The following OSBP2 variants were observed in gnomAD, a reference collection of about 807,000 sequenced individuals.
OSBP2 encodes the protein oxysterol binding protein 2, also known as oxysterol-binding protein 2.
In OSBP2, 66 loss-of-function variants were observed where a neutral mutation model predicts 96.0. The observed-to-expected ratio is 0.69, with a 90% CI of 0.56 to 0.84. The LOEUF is 0.84. Ranked by LOEUF, OSBP2 falls within the 40% of genes least tolerant of loss-of-function variation. The probability of loss-of-function intolerance (pLI) is 0.00; values close to 1 mark genes in which losing one functional copy is unlikely to be tolerated. For missense variants in OSBP2, 1,038 were observed against 1,222.7 expected (o/e 0.85, Z 2.25); for synonymous variants, 525 against 520.9 (o/e 1.01, Z -0.11).
intron 2 of OSBP2, among the ~76,000 whole-genome samples, chr22:30,807,785 G>C (rs1284522332): frequency 6.6e-6 from 1 of 151,794 alleles, no homozygotes; most frequent in African/African-American, 2.4e-5. Flanking sequence ...GGGACCAGCT[G>C]GGTCTTTTTT....
intron 2 of OSBP2, among the ~76,000 whole-genome samples, chr22:30,817,060 T>G (rs369592469): frequency 6.6e-6 from 1 of 152,190 alleles, no homozygotes. Context: ...TGATCTAAAA[T>G]AATCAATGAT....
intron 2 of OSBP2, among the ~76,000 whole-genome samples, chr22:30,745,131 C>A (rs1020115825): frequency 5.9e-5 from 9 of 151,822 alleles, no homozygotes; most frequent in African/African-American, 2.2e-4. Flanking sequence ...AAAACAAGAA[C>A]ACAGTTTACC....
chr22:30,756,634 G>C (rs774985477), intron 2 of OSBP2, among the ~76,000 whole-genome samples: 1 of 152,014 alleles, frequency 6.6e-6, no homozygotes, highest in African/African-American at 2.4e-5. Context: ...TGGAGTTTGC[G>C]GTGAGCAAAG....
intron 2 of OSBP2, chr22:30,822,445 G>A: frequency 1.7e-6 from 2 of 1,155,204 alleles, no homozygotes; most frequent in Non-Finnish European, 2.2e-6. Context: ...GGCGCGGACG[G>A]GGTTAACGCG....
intron 1 of OSBP2, among the ~76,000 whole-genome samples, chr22:30,701,842 T>C (rs2089168281): frequency 6.6e-6 from 1 of 152,218 alleles, no homozygotes; most frequent in Non-Finnish European, 1.5e-5. Flanking sequence ...ACTCTGAGAC[T>C]GTTAGGAGGC....
chr22:30,781,327 T>C (rs1341881804), intron 2 of OSBP2, among the ~76,000 whole-genome samples: 3 of 152,000 alleles, frequency 2.0e-5, no homozygotes, highest in Admixed American at 6.6e-5. Flanking sequence ...CAAGGGAGTA[T>C]GGAAGTCATG....
intron 2 of OSBP2, among the ~76,000 whole-genome samples, chr22:30,747,690 C>G (rs997393542): frequency 1.3e-5 from 2 of 152,132 alleles, no homozygotes; most frequent in African/African-American, 4.8e-5. Context: ...GCCCCACCCA[C>G]TGGGCTCAGC....
chr22:30,694,825 C>T, upstream of OSBP2: 3 of 573,380 alleles, frequency 5.2e-6, no homozygotes, highest in Non-Finnish European at 6.6e-6. Flanking sequence ...TCGCGCCGCG[C>T]GCACGTGACT....
chr22:30,803,078 G>C, intron 2 of OSBP2: 1 of 209,374 alleles, frequency 4.8e-6, no homozygotes, highest in South Asian at 6.8e-5. Context: ...AGAGCGCGGC[G>C]GCGGGAAGGC....
At chr22:30,793,143 A>G (rs985966219) in intron 2 of OSBP2, among the ~76,000 whole-genome samples, 1 of 152,168 alleles carries the variant, frequency 6.6e-6, no homozygotes, top group East Asian at 1.9e-4. Context: ...TAATCCCAAC[A>G]CTTTGGGAGG....
chr22:30,739,934 G>T (rs957276514), intron 1 of OSBP2, among the ~76,000 whole-genome samples: 1 of 151,888 alleles, frequency 6.6e-6, no homozygotes, highest in East Asian at 1.9e-4. Flanking sequence ...CTGCCTCCCC[G>T]GTCCTGGTTT....
Position 30,741,269 on chromosome 22 carries a change from C to A in OSBP2, c.753C>A (p.Ser251Arg). The A allele has an allele frequency of 6.2e-7, 1 of 1,614,022 alleles. No individual in the cohort carries two copies. Among genetic ancestry groups the A allele is most frequent in the East Asian group, 2.2e-5 (1 of 44,890 alleles). The change falls in exon 2 of 14, where the codon AGC becomes AGA. Residue 251 changes from serine to arginine, a missense_variant. Coordinates refer to ENST00000332585, the MANE Select transcript of OSBP2 (RefSeq NM_030758.4). Reference sequence around the variant, plus strand: ...TCTTGCTGACCAGTGGGGCCAGGAGCTACCACCTCAAGGCCAGCTCAGAGG... The same window carrying A: ...TCTTGCTGACCAGTGGGGCCAGGAGATACCACCTCAAGGCCAGCTCAGAGG... The part of the protein sequence containing the change: ...CGILLTSGAR[S>R]YHLKASSEVD...
intron 2 of OSBP2, among the ~76,000 whole-genome samples, chr22:30,830,796 G>A (rs2038504814): frequency 6.6e-6 from 1 of 151,730 alleles, no homozygotes; most frequent in Non-Finnish European, 1.5e-5. Context: ...TTTCCATAGC[G>A]CCATTATCCC....
At chr22:30,888,523 T>C in intron 5 of OSBP2, among the ~76,000 whole-genome samples, 183 bp downstream of exon 5, 1 of 151,860 alleles carries the variant, frequency 6.6e-6, no homozygotes, top group East Asian at 1.9e-4. Context: ...AATACAAGAG[T>C]TTGAGACCAG....
At chr22:30,829,932 T>A (rs1309302234) in intron 2 of OSBP2, among the ~76,000 whole-genome samples, 1 of 152,052 alleles carries the variant, frequency 6.6e-6, no homozygotes, top group East Asian at 1.9e-4. Context: ...GGGGCCAAAG[T>A]GGGAGCAGGG....
chr22:30,725,830 C>T lies in OSBP2; in HGVS notation c.645-15331C>T, dbSNP rs147520183. The stretch of plus-strand genomic sequence containing the variant: ...CCTGAGACAGAGTCTCACTCTGTCA[C>T]CCAGGCTGAGTGCAGTGGTGCAATT... On this transcript the variant is annotated intron_variant, in intron 1 of 13. Transcript: ENST00000332585. Among the ~76,000 whole-genome samples, 1,256 of 150,606 alleles carry T rather than the reference C, an allele frequency of 8.3e-3. 22 individuals are homozygous for T. Among genetic ancestry groups the T allele is most frequent in the African/African-American group, 0.027 (1,110 of 40,990 alleles).
At chr22:30,785,149 G>C (rs745387126) in intron 2 of OSBP2, among the ~76,000 whole-genome samples, 11 of 152,096 alleles carry the variant, frequency 7.2e-5, no homozygotes, top group Non-Finnish European at 1.3e-4. Flanking sequence ...AGCTTAAGTT[G>C]TATTAAAAAT....
rs537412112 is a variant in OSBP2 at position 30,822,636 on chromosome 22, G to C, written c.854-47793G>C. On this transcript the variant is annotated intron_variant, in intron 2 of 13. Coordinates refer to ENST00000332585, the MANE Select transcript of OSBP2 (RefSeq NM_030758.4). ...AGGCTGCCCCGCCGCGGGAAATGAA[G>C]GGACGCGGCTGCTGGGACACGGCCT... 2.0e-6 allele frequency: 3 copies of C among 1,532,704 alleles called. No individual in the cohort carries two copies. In the South Asian group the frequency reaches 3.6e-5, roughly 18 times the overall value. The allele number at this position is 1,532,704 out of a possible 1,614,324, so 94.9% of individuals were successfully genotyped here. A position where few individuals can be genotyped will look rare whatever the true frequency, so the allele number is the denominator to read the frequency against.
chr22:30,764,816 C>T (rs984864564), intron 2 of OSBP2, among the ~76,000 whole-genome samples: 1 of 152,136 alleles, frequency 6.6e-6, no homozygotes, highest in Non-Finnish European at 1.5e-5. Flanking sequence ...CCCATCCTCC[C>T]AGCTGGCCAG....
Sources: gnomAD v4.1 joint callset for allele counts (sites outside exome capture counted in the v4.1 genomes callset) on GRCh38, gnomAD v4.1.1 for gene constraint, MANE v1.5 for transcripts, NCBI Gene and HGNC (gene_info 2026-07-23, HGNC 2026-07-21) for gene names.